Variants in ETNK2 observed in about 807,000 individuals in gnomAD.
The protein encoded by ETNK2 is ethanolamine kinase-like protein.
ETNK2 carries 33 observed loss-of-function variants against 46.2 expected under a neutral mutation model. The observed-to-expected ratio is 0.71, with a 90% CI of 0.54 to 0.96. The LOEUF is 0.96. ETNK2 is among the 40% of genes least tolerant of loss of function. ETNK2 has a pLI of 0.00. For missense variants in ETNK2, 445 were observed against 509.7 expected, an observed-to-expected ratio of 0.87 and a Z score of 1.22; for synonymous variants, 194 against 209.0, an observed-to-expected ratio of 0.93 and a Z score of 0.62.
At chr1:204,141,489 A>G (rs1261456085) in intron 3 of ETNK2, 32 bp from the exon 4 acceptor site, 2 of 1,553,508 alleles carry the variant, frequency 1.3e-6, no homozygotes, top group African/African-American at 2.7e-5. Flanking sequence ...AGCCAGTGAA[A>G]GGAGGGCTGA....
chr1:204,145,185 T>C (rs1347232865), intron 3 of ETNK2, among the ~76,000 whole-genome samples: 2 of 152,212 alleles, frequency 1.3e-5, no homozygotes, highest in African/African-American at 4.8e-5. Flanking sequence ...TCAACGAAGT[T>C]AAGCAACTTG....
chr1:204,148,610 A>T (rs1657885721), intron 2 of ETNK2, among the ~76,000 whole-genome samples: 1 of 143,266 alleles, frequency 7.0e-6, no homozygotes, highest in African/African-American at 2.6e-5. Flanking sequence ...ACACACACAC[A>T]CTGCTACAAT....
rs1442403565 is a variant in ETNK2 at position 204,151,755 on chromosome 1, G to A, written c.98C>T (p.Ala33Val). 1 of 1,526,138 alleles carries A rather than the reference G, an allele frequency of 6.6e-7. No individual in the cohort carries two copies. Among genetic ancestry groups the A allele is most frequent in the Non-Finnish European group, 8.8e-7 (1 of 1,138,184 alleles). The allele number at this position is 1,526,138 out of a possible 1,614,324, so 94.5% of individuals were successfully genotyped here. Reference sequence around the variant, plus strand: ...CTCCCGGCAGCTGGCGCTGGCCGCCGCCTTCTCCTCCATGCCCCATGAGCA... The same window carrying A: ...CTCCCGGCAGCTGGCGCTGGCCGCCACCTTCTCCTCCATGCCCCATGAGCA... The part of the protein sequence containing the change: ...PQCSWGMEEK[A>V]AASASCREPP... Residue 33 changes from alanine (A) to valine (V), a missense_variant, in exon 1 of 8, where the codon GCG (alanine) becomes GTG (valine). Coordinates refer to ENST00000367202, the MANE Select transcript of ETNK2 (RefSeq NM_018208.4). This position sits in a 1 kb window ranked among gnomAD's most constrained non-coding sequence, Gnocchi z 8.0.
intron 4 of ETNK2, chr1:204,141,031 G>T: frequency 2.1e-6 from 1 of 472,570 alleles, no homozygotes; most frequent in Non-Finnish European, 4.0e-6. Context: ...TCACCACATT[G>T]CCTGGGCTGG....
At chr1:204,147,628 T>C in intron 2 of ETNK2, 6 of 498,478 alleles carry the variant, frequency 1.2e-5, no homozygotes, top group South Asian at 7.4e-5. Flanking sequence ...TGCCTGTTGC[T>C]TGAATAACAA....
At chr1:204,139,255 T>G (rs1657403934) in intron 5 of ETNK2, among the ~76,000 whole-genome samples, 2 of 152,200 alleles carry the variant, frequency 1.3e-5, no homozygotes, top group Admixed American at 1.3e-4. Flanking sequence ...CTTATCTACA[T>G]GTAAGGCCCT....
intron 6 of ETNK2, among the ~76,000 whole-genome samples, chr1:204,136,782 G>A (rs762114743): frequency 2.0e-5 from 3 of 152,034 alleles, no homozygotes; most frequent in Non-Finnish European, 4.4e-5. Context: ...AAGGGCTGAG[G>A]TTAGGCAGTA....
intron 1 of ETNK2, 118 bp from the exon 2 acceptor site, chr1:204,150,080 C>T: frequency 8.8e-7 from 1 of 1,137,336 alleles, no homozygotes; most frequent in South Asian, 1.5e-5. Context: ...GCACAACCAC[C>T]CCAAGCCCCC....
chr1:204,140,641 CA>C (rs1657475911), intron 4 of ETNK2, among the ~76,000 whole-genome samples: 1 of 151,892 alleles, frequency 6.6e-6, no homozygotes. Context: ...TCTCCTGCCT[CA>C]GCCTCCTGAG....
At chr1:204,145,747 C>CT (rs1224603591) in intron 3 of ETNK2, among the ~76,000 whole-genome samples, 1 of 152,216 alleles carries the variant, frequency 6.6e-6, no homozygotes, top group Non-Finnish European at 1.5e-5. Flanking sequence ...CAAACCTCTT[C>CT]TGCACCCTAC....
At chr1:204,143,265 A>T (rs1315640815) in intron 3 of ETNK2, among the ~76,000 whole-genome samples, 2 of 151,706 alleles carry the variant, frequency 1.3e-5, no homozygotes, top group Admixed American at 1.3e-4. Context: ...AAAAGGGAAG[A>T]ATTAGGAGGG....
At chr1:204,141,718 G>A in intron 3 of ETNK2, 1 of 476,550 alleles carries the variant, frequency 2.1e-6, no homozygotes, top group Non-Finnish European at 3.8e-6. Context: ...AAAAGTCACT[G>A]ACTGAGGGCA....
intron 3 of ETNK2, chr1:204,142,033 AC>A (rs1657568505): frequency 3.2e-5 from 5 of 154,692 alleles, no homozygotes; most frequent in Admixed American, 6.4e-5. Context: ...CCTGGTATGC[AC>A]CCCCCTCTCA....
At chr1:204,142,780 C>T (rs1657608871) in intron 3 of ETNK2, 1 of 152,268 alleles carries the variant, frequency 6.6e-6, no homozygotes, top group Non-Finnish European at 1.5e-5. Context: ...GACTGAGGCA[C>T]TCCTCTGCCC....
chr1:204,145,427 T>C (rs972361326), intron 3 of ETNK2, among the ~76,000 whole-genome samples: 2 of 152,240 alleles, frequency 1.3e-5, no homozygotes, highest in African/African-American at 4.8e-5. Context: ...GCCTCGGTTT[T>C]CCACTTGTCA....
rs1192801199 is a variant in ETNK2 at position 204,151,306 on chromosome 1, C to T, written c.258+289G>A. On this transcript the variant is annotated intron_variant, in intron 1 of 7. Transcript: ENST00000367202. This position sits in a 1 kb window ranked among gnomAD's most constrained non-coding sequence, Gnocchi z 8.0. ...GTCAGCGAGGGGCACCAGCACGCAGCGACAGGGGGTGCGGCCCGCACACGC... is the reference window on the plus strand; with the variant it reads ...GTCAGCGAGGGGCACCAGCACGCAGTGACAGGGGGTGCGGCCCGCACACGC... 4.5e-5 allele frequency: 24 copies of T among 533,036 alleles called. No homozygotes were observed. The highest frequency in any genetic ancestry group is 7.6e-5 in the Non-Finnish European group (23 of 303,938). The allele number at this position is 533,036 out of a possible 1,614,324, so 33.0% of individuals were successfully genotyped here.
At position 204,141,423 on chromosome 1, in the gene ETNK2, C is replaced by T. The variant is rs755254782; in HGVS notation, c.676G>A (p.Glu226Lys). ...SADVPKVEVL[E>K]RELAWLKEHL... ...TCCTTCAGCCAGGCCAGCTCCCGTT[C>T]CAACACCTCTACCTTAGGGACATCT... Residue 226 changes from glutamate (E) to lysine (K), a missense_variant, in exon 4 of 8, where the codon GAA becomes AAA. Physicochemically the swap from Glu to Lys is moderately conservative, Grantham distance 56. Transcript: ENST00000367202. 6.2e-7 allele frequency: 1 copy of T among 1,608,770 alleles called. No homozygotes were observed. The highest frequency in any genetic ancestry group is 1.7e-5 in the Admixed American group (1 of 58,802).
At chr1:204,144,527 C>G (rs1206820113) in intron 3 of ETNK2, among the ~76,000 whole-genome samples, 1 of 151,964 alleles carries the variant, frequency 6.6e-6, no homozygotes, top group East Asian at 1.9e-4. Flanking sequence ...AATCCACCCT[C>G]CCCCACCAAT....
At position 204,137,174 on chromosome 1, in the gene ETNK2, G is replaced by T. The variant is rs1657319057; in HGVS notation, c.944C>A (p.Ala315Glu). ...QLQWLHYYLQ[A>E]QKGMAVTPRE... The stretch of plus-strand genomic sequence containing the variant: ...GGGGGTCACGGCCATCCCCTTTTGT[G>T]CCTGCAGGTAGTAGTGCAGCCACTG... The change falls in exon 6 of 8, where the codon GCA becomes GAA. Residue 315 changes from alanine (A) to glutamate (E), a missense_variant. Physicochemically the swap from Ala to Glu is moderately radical, Grantham distance 107. Transcript: ENST00000367202. 3.7e-6 allele frequency: 6 copies of T among 1,613,974 alleles called. No homozygotes were observed. The highest frequency in any genetic ancestry group is 4.2e-6 in the Non-Finnish European group (5 of 1,179,860).
Sources: gnomAD v4.1 joint callset for allele counts (sites outside exome capture counted in the v4.1 genomes callset) on GRCh38, gnomAD v4.1.1 for gene constraint, Gnocchi (gnomAD v3.1) non-coding constraint, MANE v1.5 for transcripts, NCBI Gene and HGNC (gene_info 2026-07-23, HGNC 2026-07-21) for gene names.